NBAS: variants seen among roughly 807,000 people sequenced by gnomAD.
NBAS encodes NBAS subunit of NRZ tethering complex.
NBAS carries 219 observed loss-of-function variants against 302.5 expected under a neutral mutation model. The observed-to-expected ratio is 0.72, with a 90% CI of 0.65 to 0.81. NBAS has a LOEUF of 0.81. NBAS is among the 30% of genes least tolerant of loss of function. The pLI, the probability that NBAS is intolerant of heterozygous loss-of-function variation, is 0.00. For synonymous variants in NBAS, 1,118 were observed against 1,021.6 expected, an observed-to-expected ratio of 1.09 and a Z score of -1.80; for missense variants, 2,932 against 2,841.6, an observed-to-expected ratio of 1.03 and a Z score of -0.72.
At chr2:15,044,297 T>C in the NBAS span, among the ~76,000 whole-genome samples, 1 of 152,196 alleles carries the variant, frequency 6.6e-6, no homozygotes, top group East Asian at 1.9e-4. Flanking sequence ...ATGGCTGAGT[T>C]CTCTCACATT....
chr2:14,825,145 G>C, the NBAS span, among the ~76,000 whole-genome samples: 1 of 152,166 alleles, frequency 6.6e-6, no homozygotes. Flanking sequence ...ACTCATCTTT[G>C]CTGATTCTGC....
At chr2:15,297,853 T>C (rs933900048) in intron 40 of NBAS, among the ~76,000 whole-genome samples, 2 of 152,124 alleles carry the variant, frequency 1.3e-5, no homozygotes, top group Admixed American at 1.3e-4. Flanking sequence ...CATATATATG[T>C]GCTTGTGTCT....
the NBAS span, among the ~76,000 whole-genome samples, chr2:15,142,231 C>T: frequency 6.6e-6 from 1 of 152,174 alleles, no homozygotes; most frequent in African/African-American, 2.4e-5. Context: ...CGGAAGACAG[C>T]AGCAGGAAGG....
At chr2:14,936,976 CA>C in the NBAS span, among the ~76,000 whole-genome samples, 1 of 151,928 alleles carries the variant, frequency 6.6e-6, no homozygotes, top group Non-Finnish European at 1.5e-5. Context: ...ATACCATGGG[CA>C]AAAAATAATA....
At chr2:15,348,932 G>A (rs528588237) in intron 35 of NBAS, among the ~76,000 whole-genome samples, 2 of 152,218 alleles carry the variant, frequency 1.3e-5, no homozygotes, top group South Asian at 2.1e-4. Flanking sequence ...TATAGAGAAC[G>A]GGGCAATTAA....
At chr2:15,330,928 G>A (rs1672313512) in intron 35 of NBAS, among the ~76,000 whole-genome samples, 163 bp from the exon 36 acceptor site, 1 of 152,030 alleles carries the variant, frequency 6.6e-6, no homozygotes, top group South Asian at 2.1e-4. Flanking sequence ...TGTTAAAAGA[G>A]CACTATCAAC....
the NBAS span, among the ~76,000 whole-genome samples, chr2:15,054,945 A>G: frequency 6.6e-6 from 1 of 152,200 alleles, no homozygotes; most frequent in African/African-American, 2.4e-5. Context: ...CTGAGGATTC[A>G]GAATGTCCAT....
chr2:14,887,398 T>TTA, the NBAS span, among the ~76,000 whole-genome samples: 4 of 95,682 alleles, frequency 4.2e-5, no homozygotes, highest in Non-Finnish European at 7.5e-5. Flanking sequence ...GTGAGACTCC[T>TTA]CAAAAAAAAA....
chr2:14,844,252 G>A, the NBAS span, among the ~76,000 whole-genome samples: 1 of 152,022 alleles, frequency 6.6e-6, no homozygotes, highest in African/African-American at 2.4e-5. Context: ...CATCGTGAGG[G>A]CCCTGTTCCA....
chr2:15,050,290 T>C, the NBAS span, among the ~76,000 whole-genome samples: 2 of 152,188 alleles, frequency 1.3e-5, no homozygotes, highest in Non-Finnish European at 2.9e-5. Flanking sequence ...TTTTTTCTTT[T>C]TCTTTCCTTC....
chr2:15,301,156 C>CT (rs1390113802), intron 40 of NBAS, among the ~76,000 whole-genome samples: 1 of 152,104 alleles, frequency 6.6e-6, no homozygotes, highest in East Asian at 1.9e-4. Context: ...CTGAAAAAGA[C>CT]TGACACTGCT....
chr2:15,155,870 A>G, the NBAS span, among the ~76,000 whole-genome samples: 470 of 152,294 alleles, frequency 3.1e-3, 1 homozygote, highest in African/African-American at 0.011. Context: ...CAGATGGTCT[A>G]TGAGAAGAAA....
At position 15,550,802 on chromosome 2, in the gene NBAS, G is replaced by A. The variant is rs568594681; in HGVS notation, c.379+691C>T. ...GGGTTTCACCATGTTGGCCAGGCTCGTCTCAAACTCCTGACCTCAAGTGAT... is the reference window on the plus strand; with the variant it reads ...GGGTTTCACCATGTTGGCCAGGCTCATCTCAAACTCCTGACCTCAAGTGAT... On this transcript the variant is annotated intron_variant, in intron 6 of 51. Coordinates refer to ENST00000281513, the MANE Select transcript of NBAS (RefSeq NM_015909.4). Among the ~76,000 whole-genome samples, 5 of 152,012 alleles carry A rather than the reference G, an allele frequency of 3.3e-5. No homozygotes were observed. The South Asian group carries it at 6.2e-4, about 19-fold the overall frequency.
intron 30 of NBAS, among the ~76,000 whole-genome samples, chr2:15,377,091 A>C (rs1242629535): frequency 1.3e-5 from 2 of 152,204 alleles, no homozygotes; most frequent in Non-Finnish European, 2.9e-5. Flanking sequence ...AAAATTCTGA[A>C]TAGCAATTGG....
intron 50 of NBAS, among the ~76,000 whole-genome samples, chr2:15,184,944 T>C (rs1475978717): frequency 6.6e-6 from 1 of 152,216 alleles, no homozygotes; most frequent in African/African-American, 2.4e-5. Flanking sequence ...ATATCTTAAA[T>C]ACTGATCATC....
At chr2:15,476,805 C>T (rs1191473370) in intron 13 of NBAS, among the ~76,000 whole-genome samples, 2 of 152,164 alleles carry the variant, frequency 1.3e-5, no homozygotes, top group Admixed American at 1.3e-4. Context: ...TTTTACTGTA[C>T]ATTTTTTGAA....
chr2:15,555,736 A>G (rs1664615821), intron 3 of NBAS, among the ~76,000 whole-genome samples: 1 of 152,204 alleles, frequency 6.6e-6, no homozygotes, highest in Admixed American at 6.5e-5. Context: ...AAGGCTTCTC[A>G]GGAGGAAGGG....
chr2:15,049,930 A>G, the NBAS span, among the ~76,000 whole-genome samples: 1 of 152,234 alleles, frequency 6.6e-6, no homozygotes, highest in Non-Finnish European at 1.5e-5. Context: ...AAGCCAGGAC[A>G]TGCTAGCCGC....
chr2:15,226,198 TATG>T, intron 47 of NBAS, among the ~76,000 whole-genome samples: 1 of 152,354 alleles, frequency 6.6e-6, no homozygotes, highest in African/African-American at 2.4e-5. Context: ...ACAATTTCTG[TATG>T]ATAAGGTTGT....
Sources: gnomAD v4.1 joint callset for allele counts (sites outside exome capture counted in the v4.1 genomes callset) on GRCh38, gnomAD v4.1.1 for gene constraint, MANE v1.5 for transcripts, NCBI Gene and HGNC (gene_info 2026-07-23, HGNC 2026-07-21) for gene names.